Variants in NAV2 observed in about 807,000 individuals in gnomAD.
NAV2 encodes neuron navigator 2, also known as helicase, APC down-regulated 1.
In NAV2, 54 loss-of-function variants were observed where a neutral mutation model predicts 223.2. That is an observed-to-expected ratio of 0.24 (90% CI 0.19 to 0.30). NAV2 has a LOEUF of 0.30. Ranked by LOEUF, NAV2 falls within the 10% of genes least tolerant of loss-of-function variation. The probability of loss-of-function intolerance (pLI) is 1.00; values close to 1 mark genes in which losing one functional copy is unlikely to be tolerated. For synonymous variants in NAV2, 1,279 were observed against 1,239.3 expected (o/e 1.03, Z -0.67); for missense variants, 2,806 against 3,147.5 (o/e 0.89, Z 2.60).
intron 1 of NAV2, among the ~76,000 whole-genome samples, chr11:19,369,299 C>T (rs932116186): frequency 3.3e-5 from 5 of 152,136 alleles, no homozygotes; most frequent in Admixed American, 6.5e-5. Flanking sequence ...ATTGGAACGA[C>T]CCATTGCAAA....
At chr11:19,608,286 G>A (rs1457324193) in intron 1 of NAV2, among the ~76,000 whole-genome samples, 1 of 152,218 alleles carries the variant, frequency 6.6e-6, no homozygotes, top group East Asian at 1.9e-4. Flanking sequence ...TCCTTCCTAG[G>A]ATGTCAGATC....
intron 1 of NAV2, among the ~76,000 whole-genome samples, chr11:19,361,035 G>GAAAGTCCTGGGAA (rs1949777372): frequency 6.6e-6 from 1 of 152,134 alleles, no homozygotes; most frequent in East Asian, 1.9e-4. Flanking sequence ...CCTGGCCTCA[G>GAAAGTCCTGGGAA]AAAGTCCTGG....
intron 1 of NAV2, among the ~76,000 whole-genome samples, chr11:19,507,765 A>G (rs145824922): frequency 3.9e-5 from 6 of 152,318 alleles, no homozygotes; most frequent in African/African-American, 1.2e-4. Flanking sequence ...GCTTCCACCT[A>G]TATGTCCCTA....
intron 11 of NAV2, among the ~76,000 whole-genome samples, chr11:20,034,302 T>G (rs922350419): frequency 6.6e-6 from 1 of 152,130 alleles, no homozygotes; most frequent in Non-Finnish European, 1.5e-5. Context: ...CTTGGAATTC[T>G]GCTTTATTGT....
At chr11:20,115,628 T>C (rs1324208993) in intron 37 of NAV2, among the ~76,000 whole-genome samples, 1 of 39,172 alleles carries the variant, frequency 2.6e-5, no homozygotes, top group Non-Finnish European at 4.5e-5. Context: ...CAAGACTCCG[T>C]CTCAAAAAAA....
intron 1 of NAV2, among the ~76,000 whole-genome samples, chr11:19,747,752 A>T (rs936636351): frequency 2.0e-5 from 3 of 152,240 alleles, no homozygotes; most frequent in African/African-American, 7.2e-5. Flanking sequence ...CAAACTAAAA[A>T]CTAAGCTGAG....
chr11:19,728,760 G>A (rs1315891638), intron 1 of NAV2, among the ~76,000 whole-genome samples: 2 of 152,234 alleles, frequency 1.3e-5, no homozygotes, highest in East Asian at 1.9e-4. Flanking sequence ...GTTTTCTGCT[G>A]TACTGTTATA....
intron 1 of NAV2, among the ~76,000 whole-genome samples, chr11:19,729,096 C>A (rs953426709): frequency 6.6e-6 from 1 of 152,064 alleles, no homozygotes; most frequent in African/African-American, 2.4e-5. Context: ...GAATTCATAT[C>A]TTTGAAAAAT....
intron 1 of NAV2, among the ~76,000 whole-genome samples, chr11:19,471,804 C>T (rs533760661): frequency 4.6e-5 from 7 of 152,258 alleles, no homozygotes; most frequent in East Asian, 1.9e-4. Flanking sequence ...CCCTGGCACC[C>T]GCGTGGCTGC....
intron 1 of NAV2, among the ~76,000 whole-genome samples, chr11:19,615,471 T>C (rs2046764663): frequency 6.6e-6 from 1 of 152,048 alleles, no homozygotes; most frequent in Non-Finnish European, 1.5e-5. Context: ...TTTGCGTTTA[T>C]TATTGTTACT....
intron 3 of NAV2, among the ~76,000 whole-genome samples, chr11:19,865,626 C>T (rs1405788126): frequency 6.6e-6 from 1 of 152,222 alleles, no homozygotes; most frequent in Non-Finnish European, 1.5e-5. Flanking sequence ...GTTTTTTGAA[C>T]TCCTTCTGTG....
intron 1 of NAV2, among the ~76,000 whole-genome samples, chr11:19,470,382 T>G (rs1414608546): frequency 6.6e-6 from 1 of 152,200 alleles, no homozygotes; most frequent in Non-Finnish European, 1.5e-5. Context: ...TGTAAAAGAA[T>G]ACCTGAGACT....
Position 20,048,839 on chromosome 11 carries a change from A to T in NAV2, c.4014A>T (p.Leu1338=), listed in dbSNP as rs374334556. ...PHATMTQQGN[L]DSPSGSGVLS... ...CCACCATGACTCAGCAAGGTAACCT[A>T]GACTCCCCGTCAGGCAGTGGCGTCC... The change falls in exon 15 of 38, where the codon CTA becomes CTT. Residue 1338 remains leucine (L), a synonymous_variant. Transcript: ENST00000349880. 2.5e-5 allele frequency: 41 copies of T among 1,614,044 alleles called. No homozygotes were observed. The African/African-American group carries it at 4.3e-4, about 17-fold the overall frequency.
intron 1 of NAV2, among the ~76,000 whole-genome samples, chr11:19,683,001 AC>A: frequency 6.6e-6 from 1 of 152,246 alleles, no homozygotes; most frequent in South Asian, 2.1e-4. Flanking sequence ...CTAGATTCAA[AC>A]CTTTGTTAAT....
intron 1 of NAV2, among the ~76,000 whole-genome samples, chr11:19,629,076 A>C (rs1377106638): frequency 1.3e-5 from 2 of 152,230 alleles, no homozygotes; most frequent in African/African-American, 2.4e-5. Context: ...AAACAGCCCT[A>C]TGTTTCTAAA....
chr11:19,946,326 T>C (rs67192906), intron 8 of NAV2, 75 bp from the exon 9 acceptor site: 285,563 of 1,331,834 alleles, frequency 0.21, 31,784 homozygotes, highest in Middle Eastern at 0.28. Flanking sequence ...GTTATGGTCA[T>C]AGACATGGAT....
At chr11:19,531,467 G>A in intron 1 of NAV2, among the ~76,000 whole-genome samples, 1 of 152,204 alleles carries the variant, frequency 6.6e-6, no homozygotes, top group Non-Finnish European at 1.5e-5. Context: ...GATAATGGTA[G>A]CAGATTGGTA....
At chr11:19,766,727 A>G (rs905647049) in intron 1 of NAV2, among the ~76,000 whole-genome samples, 2 of 152,136 alleles carry the variant, frequency 1.3e-5, no homozygotes, top group South Asian at 2.1e-4. Context: ...ATCTCCTTCT[A>G]TAGGCCACTT....
At chr11:19,796,968 C>CT in intron 1 of NAV2, among the ~76,000 whole-genome samples, 1 of 152,288 alleles carries the variant, frequency 6.6e-6, no homozygotes, top group East Asian at 1.9e-4. Context: ...TTCCATATTG[C>CT]TGAACCCAGG....
Sources: allele counts gnomAD v4.1 joint callset (sites outside exome capture counted in the v4.1 genomes callset), GRCh38; gene constraint gnomAD v4.1.1; transcripts MANE v1.5; gene names NCBI Gene and HGNC (gene_info 2026-07-23, HGNC 2026-07-21).